The following ZNRF2 variants were observed in gnomAD, a reference collection of about 807,000 sequenced individuals.
The protein encoded by ZNRF2 is zinc and ring finger 2.
In ZNRF2, 16 loss-of-function variants were observed where a neutral mutation model predicts 20.4. That is an observed-to-expected ratio of 0.79 (90% CI 0.53 to 1.19). The LOEUF is 1.19. Ranked by LOEUF, ZNRF2 falls within the 50% of genes most tolerant of loss-of-function variation. The pLI is 0.00. For synonymous variants in ZNRF2, 178 were observed against 144.9 expected (o/e 1.23, Z -1.64); for missense variants, 363 against 332.4 (o/e 1.09, Z -0.72).
chr7:30,317,218 G>A (rs1368249581), intron 1 of ZNRF2, among the ~76,000 whole-genome samples: 1 of 152,170 alleles, frequency 6.6e-6, no homozygotes, highest in Non-Finnish European at 1.5e-5. Context: ...AGTGTTGACT[G>A]TAGGTCTAGC....
intron 1 of ZNRF2, among the ~76,000 whole-genome samples, chr7:30,319,195 A>G (rs1365861373): frequency 6.6e-6 from 1 of 151,990 alleles, no homozygotes; most frequent in Non-Finnish European, 1.5e-5. Context: ...GCTGTAGTGC[A>G]GTGGTAGGAT....
At chr7:30,337,958 T>A (rs1374524017) in intron 2 of ZNRF2, among the ~76,000 whole-genome samples, 1 of 152,156 alleles carries the variant, frequency 6.6e-6, no homozygotes. Context: ...AAGATACATA[T>A]ATTCTTCCCA....
chr7:30,361,915 G>T (rs1262234353), intron 3 of ZNRF2, among the ~76,000 whole-genome samples: 1 of 152,076 alleles, frequency 6.6e-6, no homozygotes, highest in African/African-American at 2.4e-5. Context: ...TACATGGTGG[G>T]ATAGGATTTA....
In ZNRF2 at chr7:30,332,276, A is replaced by G. The variant is rs181724737; in HGVS notation, c.565+8539A>G. Among the ~76,000 whole-genome samples the G allele has an allele frequency of 6.6e-5, 10 of 152,312 alleles. No individual in the cohort carries two copies. The East Asian group carries it at 1.7e-3, about 26-fold the overall frequency. On this transcript the variant is annotated intron_variant, in intron 2 of 4. Coordinates refer to ENST00000323037, the MANE Select transcript of ZNRF2 (RefSeq NM_147128.4). ...TCTTCACAGAAGAACTTCACAGGTA[A>G]TGAGTGCTAAGTTAACAAGACCTGT...
In ZNRF2 at chr7:30,313,171, A is replaced by G. The variant is rs192636026; in HGVS notation, c.470-10471A>G. ...TTGTTTAGAAACATTATTCTGGGAC[A>G]TTGAGCTTAATTGAGAATTTTAGCT... On this transcript the variant is annotated intron_variant, in intron 1 of 4. Coordinates refer to ENST00000323037, the MANE Select transcript of ZNRF2 (RefSeq NM_147128.4). 6.5e-3 allele frequency among the ~76,000 whole-genome samples: 983 copies of G among 152,310 alleles called. 6 individuals carry two copies. Among genetic ancestry groups the G allele is most frequent in the South Asian group, 0.026 (127 of 4,828 alleles).
Position 30,285,945 on chromosome 7 carries a change from T to C in ZNRF2, c.469+119T>C, listed in dbSNP as rs953867328. 9.8e-6 allele frequency: 13 copies of C among 1,322,990 alleles called. No individual in the cohort carries two copies. The Admixed American group carries it at 1.2e-4, about 13-fold the overall frequency. 82.0% of individuals were successfully genotyped at this position (1,322,990 alleles called of 1,614,324 possible). ...TTCTGCCGGGGCGCCGGGGGCTGCC[T>C]CCCGGACCAGCCCGCGTCGGTCTCC... On this transcript the variant is annotated intron_variant, in intron 1 of 4. Transcript: ENST00000323037.
At chr7:30,286,915 C>A (rs182040183) in intron 1 of ZNRF2, among the ~76,000 whole-genome samples, 1 of 152,254 alleles carries the variant, frequency 6.6e-6, no homozygotes, top group Non-Finnish European at 1.5e-5. Flanking sequence ...ACTTTGGAGA[C>A]TTAGTAAAGT....
intron 2 of ZNRF2, among the ~76,000 whole-genome samples, chr7:30,324,616 A>C (rs1457394804): frequency 2.0e-5 from 3 of 152,068 alleles, no homozygotes; most frequent in African/African-American, 7.2e-5. Flanking sequence ...TACCATGAAA[A>C]TAGTTTTTAC....
chr7:30,315,631 CGGAG>C (rs1344846507), intron 1 of ZNRF2, among the ~76,000 whole-genome samples: 1 of 146,852 alleles, frequency 6.8e-6, no homozygotes, highest in Non-Finnish European at 1.5e-5. Flanking sequence ...TTGGACAACA[CGGAG>C]GGCATTTGTT....
At position 30,355,771 on chromosome 7, in the gene ZNRF2, T is replaced by G. The variant is rs768678026; in HGVS notation, c.609T>G (p.Leu203=). 1.2e-6 allele frequency: 2 copies of G among 1,613,734 alleles called. No homozygotes were observed. The highest frequency in any genetic ancestry group is 1.7e-6 in the Non-Finnish European group (2 of 1,179,772). The change falls in exon 3 of 5, where the codon CTT becomes CTG. Residue 203 remains leucine (L), a synonymous_variant. Transcript: ENST00000323037. ...ATGCTGGGGAATGTGCAATATGCCT[T>G]GAAGAATTGCAGCAGGGAGATACTA... ...SKDAGECAIC[L]EELQQGDTIA...
At chr7:30,363,156 C>T (rs1800154911) in intron 4 of ZNRF2, among the ~76,000 whole-genome samples, 1 of 152,026 alleles carries the variant, frequency 6.6e-6, no homozygotes, top group African/African-American at 2.4e-5. Flanking sequence ...TCACTTGAAC[C>T]CAGGAAGTGG....
At chr7:30,344,383 GT>G (rs1242958935) in intron 2 of ZNRF2, among the ~76,000 whole-genome samples, 2 of 151,270 alleles carry the variant, frequency 1.3e-5, no homozygotes, top group Non-Finnish European at 2.9e-5. Flanking sequence ...TTTAGATACT[GT>G]TTTTTTCTAT....
At chr7:30,290,812 A>G (rs1467816469) in intron 1 of ZNRF2, among the ~76,000 whole-genome samples, 5 of 152,246 alleles carry the variant, frequency 3.3e-5, no homozygotes, top group Admixed American at 2.6e-4. Context: ...TTTACTTTTA[A>G]AAAGTTGTAC....
Position 30,344,399 on chromosome 7 carries a change from A to C in ZNRF2, c.566-11329A>C, listed in dbSNP as rs73081550. The stretch of plus-strand genomic sequence containing the variant: ...TTAGATACTGTTTTTTTCTATGAGC[A>C]ATAATGAAATTAGTGTATTTCCTAT... On this transcript the variant is annotated intron_variant, in intron 2 of 4. Transcript: ENST00000323037. 7.5e-3 allele frequency among the ~76,000 whole-genome samples: 1,138 copies of C among 152,130 alleles called. 5 individuals are homozygous for C. Among genetic ancestry groups the C allele is most frequent in the Non-Finnish European group, 0.013 (869 of 67,978 alleles).
chr7:30,314,315 A>G (rs1192477071), intron 1 of ZNRF2, among the ~76,000 whole-genome samples: 1 of 152,178 alleles, frequency 6.6e-6, no homozygotes. Context: ...GGCACACGTA[A>G]CATTACATTA....
At position 30,330,436 on chromosome 7, in the gene ZNRF2, C is replaced by A. The variant is rs911324649; in HGVS notation, c.565+6699C>A. Among the ~76,000 whole-genome samples, 5 of 152,244 alleles carry A rather than the reference C, an allele frequency of 3.3e-5. No homozygotes were observed. In the South Asian group the frequency reaches 8.3e-4, roughly 25 times the overall value. On this transcript the variant is annotated intron_variant, in intron 2 of 4. Transcript: ENST00000323037. ...AAATGATGAAAAAAGCTGCCAATTGCTACACTGTCTGTGGGAGAATCTATT... is the reference window on the plus strand; with the variant it reads ...AAATGATGAAAAAAGCTGCCAATTGATACACTGTCTGTGGGAGAATCTATT...
At chr7:30,345,768 C>T (rs1190900011) in intron 2 of ZNRF2, among the ~76,000 whole-genome samples, 3 of 152,140 alleles carry the variant, frequency 2.0e-5, no homozygotes, top group African/African-American at 7.2e-5. Flanking sequence ...CCACCCTCCA[C>T]TGCCTCTCTC....
intron 1 of ZNRF2, among the ~76,000 whole-genome samples, chr7:30,303,517 G>A (rs1278345073): frequency 6.6e-6 from 1 of 152,148 alleles, no homozygotes; most frequent in African/African-American, 2.4e-5. Flanking sequence ...TGTTGCTGAT[G>A]TCTACTCACC....
intron 1 of ZNRF2, chr7:30,288,661 A>G (rs1256513682): frequency 6.6e-6 from 1 of 152,238 alleles, no homozygotes; most frequent in Admixed American, 6.5e-5. Flanking sequence ...CAGTGTGTAG[A>G]AATTTCCTAG....
Sources: gnomAD v4.1 joint callset for allele counts (sites outside exome capture counted in the v4.1 genomes callset) on GRCh38, gnomAD v4.1.1 for gene constraint, MANE v1.5 for transcripts, NCBI Gene and HGNC (gene_info 2026-07-23, HGNC 2026-07-21) for gene names.